The following NAV3 variants were observed in gnomAD, a reference collection of about 807,000 sequenced individuals.
The protein encoded by NAV3 is pore membrane and/or filament interacting like protein 1.
Under a neutral mutation model 244.7 loss-of-function variants are expected in NAV3, and 87 were observed. That is an observed-to-expected ratio of 0.36 (90% CI 0.30 to 0.42). The LOEUF (loss-of-function observed/expected upper bound fraction) is 0.42. Ranked by LOEUF, NAV3 falls within the 20% of genes least tolerant of loss-of-function variation. The probability of loss-of-function intolerance (pLI) is 1.00; values close to 1 mark genes in which losing one functional copy is unlikely to be tolerated. For missense variants in NAV3, 2,663 were observed against 2,893.3 expected, an observed-to-expected ratio of 0.92 and a Z score of 1.83; for synonymous variants, 1,126 against 1,042.2, an observed-to-expected ratio of 1.08 and a Z score of -1.55.
At position 77,862,269 on chromosome 12, in the gene NAV3, G is replaced by A. The variant is rs375211126; in HGVS notation, c.243+30565G>A. On this transcript the variant is annotated intron_variant, in intron 1 of 39. Transcript: ENST00000397909. ...GTTTTTAAGTTAAATATATAGAAGA[G>A]AGCAGTTAATCAGCTAATTCAAGGG... Among the ~76,000 whole-genome samples, 65 of 151,820 alleles carry A rather than the reference G, an allele frequency of 4.3e-4. No homozygotes were observed. The Middle Eastern group carries it at 0.014, about 32-fold the overall frequency.
At chr12:77,775,299 C>T (rs904177094) in intron 2 of NAV3, among the ~76,000 whole-genome samples, 1 of 150,450 alleles carries the variant, frequency 6.6e-6, no homozygotes, top group African/African-American at 2.5e-5. Flanking sequence ...GGCTGAGGCA[C>T]GAAAATTGCT....
intron 2 of NAV3, among the ~76,000 whole-genome samples, chr12:77,599,317 A>G (rs995659192): frequency 6.6e-6 from 1 of 151,990 alleles, no homozygotes; most frequent in Non-Finnish European, 1.5e-5. Context: ...ATCTTCAAGG[A>G]GGAAATTTAG....
intron 7 of NAV3, among the ~76,000 whole-genome samples, chr12:78,000,434 G>A (rs868421553): frequency 8.0e-5 from 12 of 150,474 alleles, no homozygotes; most frequent in African/African-American, 2.9e-4. Flanking sequence ...ATGTCATGCT[G>A]TATTTCCAAA....
chr12:77,958,664 T>G (rs1891593490), intron 3 of NAV3, among the ~76,000 whole-genome samples: 1 of 152,218 alleles, frequency 6.6e-6, no homozygotes, highest in Non-Finnish European at 1.5e-5. Flanking sequence ...AAATAATGAC[T>G]AGATCTAGCT....
chr12:78,138,475 G>A (rs1046816906), intron 19 of NAV3, among the ~76,000 whole-genome samples: 9 of 152,076 alleles, frequency 5.9e-5, no homozygotes, highest in African/African-American at 2.2e-4. Context: ...CAATATACTG[G>A]CATTAAATCA....
intron 22 of NAV3, among the ~76,000 whole-genome samples, chr12:78,150,767 G>C (rs1957052496): frequency 6.6e-6 from 1 of 151,618 alleles, no homozygotes; most frequent in Admixed American, 6.6e-5. Context: ...ATTTTAGAAA[G>C]GTTCCTGCAG....
intron 2 of NAV3, among the ~76,000 whole-genome samples, chr12:77,640,500 G>T (rs1274032865): frequency 1.3e-5 from 2 of 152,060 alleles, no homozygotes; most frequent in Non-Finnish European, 2.9e-5. Context: ...AAAGGATTAT[G>T]CATATAAGTG....
chr12:78,064,583 G>A (rs897753164), intron 12 of NAV3, among the ~76,000 whole-genome samples: 8 of 152,126 alleles, frequency 5.3e-5, no homozygotes, highest in Admixed American at 2.6e-4. Context: ...CTCTGTAAAA[G>A]TCCTGTTTCC....
chr12:78,169,089 T>A (rs1205868565), intron 24 of NAV3, among the ~76,000 whole-genome samples: 1 of 151,780 alleles, frequency 6.6e-6, no homozygotes, highest in African/African-American at 2.4e-5. Flanking sequence ...CATTATCAGA[T>A]AATTTTTAAA....
chr12:77,759,547 C>T (rs148076891), intron 2 of NAV3, among the ~76,000 whole-genome samples: 1 of 152,126 alleles, frequency 6.6e-6, no homozygotes, highest in African/African-American at 2.4e-5. Context: ...TCCTCCGATG[C>T]CTAGATAACT....
intron 12 of NAV3, among the ~76,000 whole-genome samples, chr12:78,098,874 A>G (rs1459670110): frequency 6.6e-6 from 1 of 151,768 alleles, no homozygotes; most frequent in Non-Finnish European, 1.5e-5. Context: ...ACTGAAAACT[A>G]TTAATATAAT....
At chr12:77,908,818 G>T (rs183574732) in intron 1 of NAV3, among the ~76,000 whole-genome samples, 1 of 151,842 alleles carries the variant, frequency 6.6e-6, no homozygotes, top group East Asian at 1.9e-4. Context: ...TATAATAATG[G>T]CACTTAATTT....
At chr12:77,654,721 T>C (rs1038805438) in intron 2 of NAV3, among the ~76,000 whole-genome samples, 1 of 152,124 alleles carries the variant, frequency 6.6e-6, no homozygotes, top group Non-Finnish European at 1.5e-5. Flanking sequence ...AGGGGCAGAC[T>C]GACACCTCAC....
Position 77,758,626 on chromosome 12 carries a change from C to A in NAV3, c.73-181693C>A, listed in dbSNP as rs145429054. On this transcript the variant is annotated intron_variant, in intron 2 of 8. Transcript: ENST00000550042. Reference sequence around the variant, plus strand: ...AAATAGCTAGAAATTGCTGATAATACAAAGAGCCGTACAAAATATGTGTTA... The same window carrying A: ...AAATAGCTAGAAATTGCTGATAATAAAAAGAGCCGTACAAAATATGTGTTA... Among the ~76,000 whole-genome samples, 136 of 152,206 alleles carry A rather than the reference C, an allele frequency of 8.9e-4. 1 individual carries two copies. The highest frequency in any genetic ancestry group is 1.5e-3 in the Admixed American group (23 of 15,282).
intron 19 of NAV3, among the ~76,000 whole-genome samples, chr12:78,139,160 C>G (rs995033386): frequency 4.3e-4 from 66 of 152,076 alleles, no homozygotes; most frequent in African/African-American, 1.5e-3. Context: ...AATAGCTTTG[C>G]CCAAGTTAGA....
chr12:77,973,417 T>C (rs1893171100), intron 5 of NAV3, among the ~76,000 whole-genome samples: 1 of 152,206 alleles, frequency 6.6e-6, no homozygotes, highest in Non-Finnish European at 1.5e-5. Flanking sequence ...CAGATGATCA[T>C]ATGCCCTTTT....
chr12:78,155,919 A>G (rs1390766040), intron 22 of NAV3, among the ~76,000 whole-genome samples: 3 of 152,118 alleles, frequency 2.0e-5, no homozygotes, highest in Non-Finnish European at 2.9e-5. Flanking sequence ...AAATGGATAG[A>G]TTCCACAAAT....
At chr12:77,698,225 A>AT (rs750846696) in intron 2 of NAV3, among the ~76,000 whole-genome samples, 2 of 152,162 alleles carry the variant, frequency 1.3e-5, no homozygotes, top group Non-Finnish European at 2.9e-5. Flanking sequence ...CCATTCTTCT[A>AT]TGAGATCAAC....
chr12:77,991,721 G>C (rs2448228), intron 5 of NAV3, among the ~76,000 whole-genome samples: 15 of 152,316 alleles, frequency 9.8e-5, no homozygotes, highest in Admixed American at 2.6e-4. Flanking sequence ...TAGTAGAACA[G>C]AAACACAGAA....
Sources: allele counts gnomAD v4.1 joint callset (sites outside exome capture counted in the v4.1 genomes callset), GRCh38; gene constraint gnomAD v4.1.1; transcripts MANE v1.5; gene names NCBI Gene and HGNC (gene_info 2026-07-23, HGNC 2026-07-21).